MADD: variants seen among roughly 807,000 people sequenced by gnomAD.
The protein encoded by MADD is MAP kinase-activating death domain protein.
A neutral mutation model predicts 176.7 loss-of-function variants in MADD; 109 were observed. The ratio of observed to expected loss-of-function variants is 0.62; its 90% CI spans 0.53 to 0.72. The LOEUF is 0.72. MADD is among the 30% of genes least tolerant of loss of function. The pLI, the probability that MADD is intolerant of heterozygous loss-of-function variation, is 0.00. For synonymous variants in MADD, 771 were observed against 771.3 expected, an observed-to-expected ratio of 1.00 and a Z score of 0.01; for missense variants, 1,914 against 2,045.5, an observed-to-expected ratio of 0.94 and a Z score of 1.24.
At chr11:47,304,582 C>CTGTT (rs58917953) in intron 22 of MADD, among the ~76,000 whole-genome samples, 59,111 of 151,676 alleles carry the variant, frequency 0.39, 12,331 homozygotes, top group East Asian at 0.69. Context: ...TGCAAGATTT[C>CTGTT]TGTTTTTTTG....
chr11:47,292,558 A>T, intron 19 of MADD: 1 of 1,614,026 alleles, frequency 6.2e-7, no homozygotes. Flanking sequence ...TGGAACAAGC[A>T]CCAGGAAGTG....
exon 4 of MADD, chr11:47,275,906 A>G: frequency 6.2e-7 from 1 of 1,607,338 alleles, no homozygotes; most frequent in Non-Finnish European, 8.5e-7. Context: ...CAGGGACACC[A>G]TGTGGCGGAT....
chr11:47,283,876 T>G (rs1259596338), intron 10 of MADD, among the ~76,000 whole-genome samples: 1 of 152,184 alleles, frequency 6.6e-6, no homozygotes, highest in Non-Finnish European at 1.5e-5. Flanking sequence ...CCCGGCTACT[T>G]TTTGTATTTT....
At chr11:47,284,954 C>G (rs776024953) in exon 13 of MADD, 2 of 1,613,690 alleles carry the variant, frequency 1.2e-6, no homozygotes, top group Non-Finnish European at 1.7e-6. Flanking sequence ...CCTGCTGACT[C>G]TACGGAGATG....
rs1173302195 is a variant in MADD at position 47,302,256 on chromosome 11, C to T, written c.3642+6201C>T. 3.3e-5 allele frequency among the ~76,000 whole-genome samples: 5 copies of T among 152,134 alleles called. No homozygotes were observed. The East Asian group carries it at 9.6e-4, about 29-fold the overall frequency. ...TGAGACAGAGTCTCACTCTGTCGCC[C>T]AGGCTGGAGTGCAGTGGCGCAATCT... On this transcript the variant is annotated intron_variant, in intron 22 of 32. Transcript: ENST00000402192.
At chr11:47,299,211 G>A (rs546547185) in intron 22 of MADD, among the ~76,000 whole-genome samples, 89 of 152,156 alleles carry the variant, frequency 5.8e-4, no homozygotes, top group Admixed American at 2.2e-3. Flanking sequence ...GAAGAATACC[G>A]TTGGTATTTT....
chr11:47,289,717 C>T lies in MADD; in HGVS notation c.2757-150C>T. 3 of 934,880 alleles carry T rather than the reference C, an allele frequency of 3.2e-6. No homozygotes were observed. The South Asian group carries it at 4.7e-5, about 15-fold the overall frequency. 57.9% of individuals were successfully genotyped at this position (934,880 alleles called of 1,614,324 possible). A position where few individuals can be genotyped will look rare whatever the true frequency, so the allele number is the denominator to read the frequency against. On this transcript the variant is annotated intron_variant, in intron 16 of 32. Coordinates refer to ENST00000402192, the Ensembl canonical transcript of MADD. ...GGTGGGTATTTGGACAAATCGCGTGCTCCAGAGAGGTGGGGATGTGGTGCA... is the reference window on the plus strand; with the variant it reads ...GGTGGGTATTTGGACAAATCGCGTGTTCCAGAGAGGTGGGGATGTGGTGCA...
chr11:47,290,899 CT>C, intron 19 of MADD, 83 bp downstream of exon 20: 2 of 1,132,432 alleles, frequency 1.8e-6, no homozygotes, highest in South Asian at 1.5e-5. Flanking sequence ...AGAATCCTGC[CT>C]TTCTCTGCCC....
intron 1 of MADD, chr11:47,272,219 A>G (rs1391881818): frequency 1.3e-5 from 2 of 152,172 alleles, no homozygotes; most frequent in Non-Finnish European, 2.9e-5. Flanking sequence ...GCTCTGCTAT[A>G]AATAGTGCTG....
intron 25 of MADD, among the ~76,000 whole-genome samples, chr11:47,310,512 G>A (rs770176342): frequency 3.1e-4 from 47 of 152,002 alleles, no homozygotes; most frequent in Non-Finnish European, 5.6e-4. Flanking sequence ...GATTTATGTG[G>A]TCTCTCTTTA....
chr11:47,319,132 A>ATT (rs1184555759), intron 27 of MADD, among the ~76,000 whole-genome samples: 73 of 114,534 alleles, frequency 6.4e-4, no homozygotes, highest in African/African-American at 1.6e-3. Context: ...TATATATATA[A>ATT]TTTTTTTTTT....
chr11:47,308,897 G>C, intron 23 of MADD, 83 bp from the exon 26 acceptor site: 1 of 1,346,012 alleles, frequency 7.4e-7, no homozygotes, highest in Non-Finnish European at 1.1e-6. Context: ...TTGGGTTTTG[G>C]TGTTAATCAA....
At chr11:47,315,294 G>C (rs751533275) in exon 27 of MADD, 3 of 1,613,576 alleles carry the variant, frequency 1.9e-6, no homozygotes, top group Non-Finnish European at 2.5e-6. Context: ...TACATGCAGG[G>C]ACAGATACAA....
chr11:47,322,267 C>T (rs2094582126), intron 27 of MADD, among the ~76,000 whole-genome samples: 1 of 151,928 alleles, frequency 6.6e-6, no homozygotes, highest in South Asian at 2.1e-4. Flanking sequence ...AGACCTGTGC[C>T]CTTCACCATT....
chr11:47,275,372 A>G (rs1032892062), intron 3 of MADD, among the ~76,000 whole-genome samples: 3 of 152,072 alleles, frequency 2.0e-5, no homozygotes, highest in Non-Finnish European at 4.4e-5. Context: ...GCTCACTGCA[A>G]CCCCTGCCTC....
rs556851487 is a variant in MADD, at chr11:47,294,279, C to T, written c.3402+296C>T. On this transcript the variant is annotated intron_variant, in intron 20 of 32. Coordinates refer to ENST00000402192, the Ensembl canonical transcript of MADD. The stretch of plus-strand genomic sequence containing the variant: ...CAGGAGAAATGCTTTAACCGGTGGG[C>T]GGAGGTTGTGGTGAGCCGAGATTGT... 3.2e-3 allele frequency among the ~76,000 whole-genome samples: 481 copies of T among 149,804 alleles called. 1 individual carries two copies. Among genetic ancestry groups the T allele is most frequent in the Non-Finnish European group, 4.8e-3 (326 of 67,682 alleles).
At chr11:47,296,155 T>A in intron 22 of MADD, 100 bp downstream of exon 24, 2 of 1,349,580 alleles carry the variant, frequency 1.5e-6, no homozygotes, top group Non-Finnish European at 2.0e-6. Context: ...GAGGTAAAGG[T>A]TAAATAAGGA....
chr11:47,304,037 C>A (rs577790094), intron 22 of MADD, among the ~76,000 whole-genome samples: 18 of 152,118 alleles, frequency 1.2e-4, no homozygotes, highest in African/African-American at 4.3e-4. Context: ...TATGCCTTTC[C>A]CCTTCTCTCT....
intron 22 of MADD, among the ~76,000 whole-genome samples, chr11:47,302,169 A>G (rs1308731694): frequency 2.0e-5 from 3 of 152,090 alleles, no homozygotes; most frequent in Non-Finnish European, 4.4e-5. Flanking sequence ...CAATTGTTAT[A>G]TCCTCTTATT....
Sources: gnomAD v4.1 joint callset for allele counts (sites outside exome capture counted in the v4.1 genomes callset) on GRCh38, gnomAD v4.1.1 for gene constraint, MANE v1.5 for transcripts, NCBI Gene and HGNC (gene_info 2026-07-23, HGNC 2026-07-21) for gene names.